The following PRRX1 variants were observed in gnomAD, a reference collection of about 807,000 sequenced individuals.
PRRX1 encodes paired related homeobox 1.
In PRRX1, 8 loss-of-function variants were observed where a neutral mutation model predicts 24.0. The observed-to-expected ratio is 0.33, with a 90% CI of 0.20 to 0.60. The LOEUF is 0.60. Among genes scored for constraint, PRRX1 ranks in the 20% least tolerant of loss-of-function variants. The pLI is 0.82. For synonymous variants in PRRX1, 160 were observed against 131.7 expected (o/e 1.22, Z -1.47); for missense variants, 281 against 322.4 (o/e 0.87, Z 0.98).
intron 1 of PRRX1, among the ~76,000 whole-genome samples, chr1:170,698,372 A>T (rs575982777): frequency 1.1e-4 from 16 of 152,336 alleles, no homozygotes; most frequent in Non-Finnish European, 1.9e-4. Flanking sequence ...TTTTAAAAAA[A>T]TTAAAAACTG....
At chr1:170,729,764 G>A (rs935230499) in intron 3 of PRRX1, among the ~76,000 whole-genome samples, 2 of 152,126 alleles carry the variant, frequency 1.3e-5, no homozygotes, top group Non-Finnish European at 2.9e-5. Flanking sequence ...TCCCTATCAC[G>A]GACACTGTTG....
chr1:170,709,885 G>A (rs769694252), intron 1 of PRRX1, among the ~76,000 whole-genome samples: 1 of 152,226 alleles, frequency 6.6e-6, no homozygotes, highest in African/African-American at 2.4e-5. Flanking sequence ...TCATGGTTAA[G>A]AGGTCAAGGA....
At chr1:170,692,559 A>G (rs932755620) in intron 1 of PRRX1, among the ~76,000 whole-genome samples, 4 of 144,420 alleles carry the variant, frequency 2.8e-5, no homozygotes, top group African/African-American at 7.7e-5. Flanking sequence ...GAGTTCTACT[A>G]TTTTTTAAGA....
At chr1:170,671,256 G>C (rs183742806) in intron 1 of PRRX1, among the ~76,000 whole-genome samples, 21 of 152,314 alleles carry the variant, frequency 1.4e-4, no homozygotes, top group Middle Eastern at 3.4e-3. Context: ...TCGGAACAGG[G>C]GGCTCTTTTT....
At chr1:170,687,162 T>C (rs562471003) in intron 1 of PRRX1, among the ~76,000 whole-genome samples, 3 of 152,088 alleles carry the variant, frequency 2.0e-5, no homozygotes, top group Admixed American at 6.6e-5. Flanking sequence ...AGTCAGAATG[T>C]TGTGAGTGAA....
In PRRX1 at chr1:170,739,197, A is replaced by T. The variant is rs897165826; in HGVS notation, c.*3011A>T. On this transcript the variant is annotated 3_prime_UTR_variant, in exon 4 of 4. Coordinates refer to ENST00000239461, the MANE Select transcript of PRRX1 (RefSeq NM_022716.4). ...GCCTGTGTCCTCAATCTCCCTTCAA[A>T]CAAGATGCTGATTTGTAGGGTACTT... is the stretch of plus-strand genomic sequence containing the variant. 17 of 204,408 alleles carry T rather than the reference A, an allele frequency of 8.3e-5. No homozygotes were observed. Among genetic ancestry groups the T allele is most frequent in the Admixed American group, 2.4e-4 (4 of 16,756 alleles). 12.7% of individuals were successfully genotyped at this position (204,408 alleles called of 1,614,324 possible). A position where few individuals can be genotyped will look rare whatever the true frequency, so the allele number is the denominator to read the frequency against.
intron 2 of PRRX1, among the ~76,000 whole-genome samples, chr1:170,725,489 C>CT (rs916745893): frequency 2.6e-4 from 40 of 152,212 alleles, no homozygotes; most frequent in Non-Finnish European, 4.4e-4. Flanking sequence ...TCTAGAAGTG[C>CT]TGGAACATTA....
intron 1 of PRRX1, among the ~76,000 whole-genome samples, chr1:170,703,758 G>A (rs1384418132): frequency 6.6e-6 from 1 of 152,188 alleles, no homozygotes; most frequent in Non-Finnish European, 1.5e-5. Flanking sequence ...GAGTGAGTTT[G>A]CTGAAAGACA....
intron 1 of PRRX1, among the ~76,000 whole-genome samples, chr1:170,666,417 C>CAAAAAA (rs35075394): frequency 0.065 from 4,966 of 75,854 alleles, 371 homozygotes; most frequent in Non-Finnish European, 0.097. Context: ...GACTCCGTCT[C>CAAAAAA]AAAAAAAAAA....
intron 2 of PRRX1, among the ~76,000 whole-genome samples, chr1:170,721,563 CA>C (rs1655086492): frequency 6.6e-6 from 1 of 151,906 alleles, no homozygotes; most frequent in Admixed American, 6.6e-5. Flanking sequence ...AAGTACTCCC[CA>C]AGAGAAAAAA....
intron 1 of PRRX1, among the ~76,000 whole-genome samples, chr1:170,666,187 G>A (rs1652921304): frequency 6.6e-6 from 1 of 152,096 alleles, no homozygotes; most frequent in Admixed American, 6.5e-5. Flanking sequence ...TTGGGAGGCC[G>A]AGGCGGGCAG....
Position 170,681,109 on chromosome 1 carries a change from T to C in PRRX1, c.241+16650T>C, listed in dbSNP as rs1653489107. 1.3e-5 allele frequency among the ~76,000 whole-genome samples: 2 copies of C among 152,200 alleles called. 1 individual carries two copies. Among genetic ancestry groups the C allele is most frequent in the Non-Finnish European group, 2.9e-5 (2 of 68,034 alleles). ...GAACTAAAGGGAAGAAATTAAGGTGTATTGAGTACCATAATGGATCAGGTA... is the reference window on the plus strand; with the variant it reads ...GAACTAAAGGGAAGAAATTAAGGTGCATTGAGTACCATAATGGATCAGGTA... On this transcript the variant is annotated intron_variant, in intron 1 of 3. Coordinates refer to ENST00000239461, the MANE Select transcript of PRRX1 (RefSeq NM_022716.4).
intron 1 of PRRX1, among the ~76,000 whole-genome samples, chr1:170,682,301 T>C (rs185726598): frequency 7.1e-6 from 1 of 141,600 alleles, no homozygotes; most frequent in Admixed American, 8.1e-5. Flanking sequence ...TGTGCTCCCA[T>C]GTTCTCAGTC....
At chr1:170,734,567 A>G (rs1655544973) in intron 3 of PRRX1, among the ~76,000 whole-genome samples, 1 of 152,166 alleles carries the variant, frequency 6.6e-6, no homozygotes, top group Admixed American at 6.5e-5. Context: ...TGAAATGATG[A>G]GTAAGAGTTA....
At chr1:170,673,220 A>G (rs1015176898) in intron 1 of PRRX1, among the ~76,000 whole-genome samples, 17 of 152,234 alleles carry the variant, frequency 1.1e-4, no homozygotes, top group African/African-American at 4.1e-4. Flanking sequence ...GTAAACTTTT[A>G]TACCTGGGCA....
At chr1:170,692,390 C>G (rs1654017830) in intron 1 of PRRX1, among the ~76,000 whole-genome samples, 2 of 152,090 alleles carry the variant, frequency 1.3e-5, no homozygotes, top group Non-Finnish European at 1.5e-5. Context: ...AATTGGTGAG[C>G]CTGTCGGGAT....
In PRRX1 at chr1:170,716,598, A is replaced by AT. The variant is rs971646149; in HGVS notation, c.242-3128_242-3127insT. 2.0e-5 allele frequency among the ~76,000 whole-genome samples: 3 copies of AT among 152,180 alleles called. No individual in the cohort carries two copies. The South Asian group carries it at 6.2e-4, about 32-fold the overall frequency. On this transcript the variant is annotated intron_variant, in intron 1 of 3. Coordinates refer to ENST00000239461, the MANE Select transcript of PRRX1 (RefSeq NM_022716.4). ...GACTCCATCTCAAAAAAAAAAAAAA[A>AT]AATGTATTCATGTTTCCGCTGGTTA...
intron 1 of PRRX1, among the ~76,000 whole-genome samples, chr1:170,669,636 G>T (rs1160484900): frequency 6.6e-6 from 1 of 151,456 alleles, no homozygotes; most frequent in Non-Finnish European, 1.5e-5. Flanking sequence ...ACTGTTTCCC[G>T]CTCCATCCAT....
intron 3 of PRRX1, 37 bp from the exon 4 acceptor site, chr1:170,736,011 C>T (rs376965486): frequency 5.2e-5 from 84 of 1,613,064 alleles, no homozygotes; most frequent in Admixed American, 8.3e-5. Flanking sequence ...GAAACTAATG[C>T]CTGTTATTCT....
Sources: allele counts gnomAD v4.1 joint callset (sites outside exome capture counted in the v4.1 genomes callset), GRCh38; gene constraint gnomAD v4.1.1; transcripts MANE v1.5; gene names NCBI Gene and HGNC (gene_info 2026-07-23, HGNC 2026-07-21).